RCAN2: variants seen among roughly 807,000 people sequenced by gnomAD.
RCAN2 encodes calcipressin-2.
A neutral mutation model predicts 23.6 loss-of-function variants in RCAN2; 9 were observed. The ratio of observed to expected loss-of-function variants is 0.38; its 90% CI spans 0.23 to 0.67. The LOEUF is 0.67. Ranked by LOEUF, RCAN2 falls within the 30% of genes least tolerant of loss-of-function variation. RCAN2 has a pLI of 0.51. For missense variants in RCAN2, 273 were observed against 302.3 expected (o/e 0.90, Z 0.72); for synonymous variants, 109 against 115.7 (o/e 0.94, Z 0.37).
intron 2 of RCAN2, among the ~76,000 whole-genome samples, chr6:46,307,624 A>C (rs946912578): frequency 2.8e-4 from 42 of 152,326 alleles, no homozygotes; most frequent in African/African-American, 8.7e-4. Context: ...TAAACAAAAC[A>C]GACAACATTT....
In RCAN2 at chr6:46,272,944, C is replaced by T. The variant is rs180733153; in HGVS notation, c.226-24048G>A. Among the ~76,000 whole-genome samples, 41 of 152,270 alleles carry T rather than the reference C, an allele frequency of 2.7e-4. No individual in the cohort carries two copies. In the South Asian group the frequency reaches 2.7e-3, roughly 10 times the overall value. On this transcript the variant is annotated intron_variant, in intron 2 of 4. Coordinates refer to ENST00000371374, the MANE Select transcript of RCAN2 (RefSeq NM_001251974.2). ...AGTTCCATGTTCACCGTATCTAAGC[C>T]CCTCTAAGCGTCTTTCATTGTAGCT...
chr6:46,349,910 C>T (rs758851528), intron 2 of RCAN2, among the ~76,000 whole-genome samples: 1 of 152,160 alleles, frequency 6.6e-6, no homozygotes, highest in East Asian at 1.9e-4. Context: ...TCACCCTCAC[C>T]GTGGCTTCCT....
At chr6:46,489,913 A>G (rs922798071) in intron 1 of RCAN2, among the ~76,000 whole-genome samples, 1 of 152,232 alleles carries the variant, frequency 6.6e-6, no homozygotes, top group Non-Finnish European at 1.5e-5. Context: ...AAAATCAATG[A>G]CTACACTGAA....
At position 46,236,417 on chromosome 6, in the gene RCAN2, G is replaced by A. The variant is rs534003321; in HGVS notation, c.571+10331C>T. 2.0e-4 allele frequency among the ~76,000 whole-genome samples: 30 copies of A among 148,008 alleles called. No individual in the cohort carries two copies. In the South Asian group the frequency reaches 3.0e-3, roughly 15 times the overall value. On this transcript the variant is annotated intron_variant, in intron 4 of 4. Coordinates refer to ENST00000371374, the MANE Select transcript of RCAN2 (RefSeq NM_001251974.2). ...ATGAGACAGAAAATCTTATGTTGCC[G>A]TTTTAATGAGATCTCTGATTTTCTT... is the stretch of plus-strand genomic sequence containing the variant.
rs534420386 is a variant in RCAN2, at chr6:46,343,172, C to T, written c.226-94276G>A. ...GAAAAAGACATTATATACAGGAGAA[C>T]AACAACAGGAATTACTATTGACTTC... On this transcript the variant is annotated intron_variant, in intron 2 of 4. Coordinates refer to ENST00000371374, the MANE Select transcript of RCAN2 (RefSeq NM_001251974.2). Among the ~76,000 whole-genome samples, 9 of 151,956 alleles carry T rather than the reference C, an allele frequency of 5.9e-5. No individual in the cohort carries two copies. In the South Asian group the frequency reaches 1.9e-3, roughly 32 times the overall value.
At chr6:46,463,797 A>G (rs1377638448) in intron 1 of RCAN2, among the ~76,000 whole-genome samples, 1 of 152,232 alleles carries the variant, frequency 6.6e-6, no homozygotes, top group African/African-American at 2.4e-5. Flanking sequence ...AATGATCCAT[A>G]AAAAGATAAA....
intron 1 of RCAN2, among the ~76,000 whole-genome samples, chr6:46,461,418 A>AT (rs1768201983): frequency 6.6e-6 from 1 of 152,210 alleles, no homozygotes; most frequent in Non-Finnish European, 1.5e-5. Flanking sequence ...AAAAACCACT[A>AT]TCCACTATTA....
At chr6:46,300,600 C>T (rs1226732562) in intron 2 of RCAN2, among the ~76,000 whole-genome samples, 1 of 152,024 alleles carries the variant, frequency 6.6e-6, no homozygotes, top group Admixed American at 6.6e-5. Context: ...CAAACCAATA[C>T]TTACTAACAC....
intron 2 of RCAN2, among the ~76,000 whole-genome samples, chr6:46,328,284 G>A (rs1763857864): frequency 6.6e-6 from 1 of 152,022 alleles, no homozygotes; most frequent in Admixed American, 6.6e-5. Flanking sequence ...TCTTTTCAAG[G>A]ACAGTTGTCA....
intron 2 of RCAN2, among the ~76,000 whole-genome samples, chr6:46,423,099 G>A (rs975552946): frequency 6.6e-6 from 1 of 152,142 alleles, no homozygotes; most frequent in Non-Finnish European, 1.5e-5. Context: ...CCTTGGTGAA[G>A]GAGTGGGTCT....
chr6:46,404,713 AT>A (rs1766348787), intron 2 of RCAN2, among the ~76,000 whole-genome samples: 1 of 152,236 alleles, frequency 6.6e-6, no homozygotes, highest in African/African-American at 2.4e-5. Flanking sequence ...ACAAAAATAA[AT>A]AAATAGAGGC....
intron 2 of RCAN2, among the ~76,000 whole-genome samples, chr6:46,422,925 A>G (rs1296689582): frequency 6.6e-6 from 1 of 152,216 alleles, no homozygotes; most frequent in African/African-American, 2.4e-5. Context: ...CATTTTTCAC[A>G]AGGAGTAATG....
intron 2 of RCAN2, among the ~76,000 whole-genome samples, chr6:46,421,350 C>T (rs1347516931): frequency 6.6e-6 from 1 of 152,034 alleles, no homozygotes; most frequent in South Asian, 2.1e-4. Context: ...GAAGAAAGCA[C>T]GCAGATGACT....
intron 1 of RCAN2, among the ~76,000 whole-genome samples, chr6:46,467,574 AAGG>A (rs1315677574): frequency 6.6e-6 from 1 of 152,204 alleles, no homozygotes; most frequent in Non-Finnish European, 1.5e-5. Flanking sequence ...GCATGTACAG[AAGG>A]AGTACAGTGG....
chr6:46,452,039 T>C (rs146087362), intron 2 of RCAN2, among the ~76,000 whole-genome samples: 1 of 152,210 alleles, frequency 6.6e-6, no homozygotes, highest in Non-Finnish European at 1.5e-5. Context: ...TGTTTGCTTA[T>C]TTTGAATAGA....
chr6:46,488,228 C>T lies in RCAN2; in HGVS notation c.-3+2945G>A, dbSNP rs1469532667. Among the ~76,000 whole-genome samples, 4 of 152,192 alleles carry T rather than the reference C, an allele frequency of 2.6e-5. No homozygotes were observed. In the South Asian group the frequency reaches 8.3e-4, roughly 31 times the overall value. ...AGAGCCTGGGCTTCAATTCTAGGTG[C>T]ACGTCTTACAAACTGTGTGACCCAC... On this transcript the variant is annotated intron_variant, in intron 1 of 4. Transcript: ENST00000371374.
At chr6:46,313,337 G>T (rs548167088) in intron 2 of RCAN2, among the ~76,000 whole-genome samples, 1 of 152,300 alleles carries the variant, frequency 6.6e-6, no homozygotes, top group South Asian at 2.1e-4. Flanking sequence ...GAGGGCAGGA[G>T]GCATGCCTCA....
intron 2 of RCAN2, among the ~76,000 whole-genome samples, chr6:46,306,773 A>G (rs112218341): frequency 0.012 from 1,805 of 152,248 alleles, 34 homozygotes; most frequent in African/African-American, 0.041. Context: ...CACCTCCTTG[A>G]TGAGCCTATC....
intron 1 of RCAN2, among the ~76,000 whole-genome samples, chr6:46,460,498 C>T (rs1768175762): frequency 6.6e-6 from 1 of 152,156 alleles, no homozygotes; most frequent in African/African-American, 2.4e-5. Flanking sequence ...GAAGAGCTTC[C>T]TTCAGCTAGG....
Sources: gnomAD v4.1 joint callset for allele counts (sites outside exome capture counted in the v4.1 genomes callset) on GRCh38, gnomAD v4.1.1 for gene constraint, MANE v1.5 for transcripts, NCBI Gene and HGNC (gene_info 2026-07-23, HGNC 2026-07-21) for gene names.